ARHGAP8: variants seen among roughly 807,000 people sequenced by gnomAD.
ARHGAP8 encodes the protein Rho GTPase activating protein 8, also known as rho GTPase-activating protein 8.
Under a neutral mutation model 46.1 loss-of-function variants are expected in ARHGAP8, and 62 were observed. That is an observed-to-expected ratio of 1.34 (90% CI 1.10 to 1.66). ARHGAP8 has a LOEUF of 1.66. Among genes scored for constraint, ARHGAP8 ranks in the 40% most tolerant of loss-of-function variants. The pLI is 0.00. For synonymous variants in ARHGAP8, 375 were observed against 243.1 expected (o/e 1.54, Z -5.05); for missense variants, 923 against 568.4 (o/e 1.62, Z -6.34).
At chr22:44,848,813 G>A (rs1200503014) in intron 9 of ARHGAP8, 119 bp from the exon 10 acceptor site, 3 of 1,537,416 alleles carry the variant, frequency 2.0e-6, no homozygotes, top group African/African-American at 1.4e-5. Context: ...AGGACACATG[G>A]CTCCAGCATC....
At chr22:44,833,412 G>A (rs560209886) in intron 7 of ARHGAP8, among the ~76,000 whole-genome samples, 51 of 152,118 alleles carry the variant, frequency 3.4e-4, no homozygotes, top group Admixed American at 5.9e-4. Flanking sequence ...GCTTTTCATC[G>A]CCATTGAGAT....
chr22:44,844,248 G>T (rs2069901135), intron 7 of ARHGAP8, among the ~76,000 whole-genome samples: 1 of 152,082 alleles, frequency 6.6e-6, no homozygotes, highest in South Asian at 2.1e-4. Context: ...GGAATTACAG[G>T]CGTGAGCTAC....
chr22:44,808,825 A>T, intron 4 of ARHGAP8: 1 of 371,596 alleles, frequency 2.7e-6, no homozygotes, highest in Non-Finnish European at 5.2e-6. Context: ...AAAAAAAACC[A>T]AAAACAAAAA....
intron 1 of ARHGAP8, among the ~76,000 whole-genome samples, chr22:44,774,862 ACT>A (rs565204745): frequency 3.4e-5 from 5 of 146,266 alleles, no homozygotes; most frequent in Non-Finnish European, 7.5e-5. Context: ...ATGGAGTCTC[ACT>A]CTGTCACCCG....
chr22:44,787,942 C>CTTTTTTT (rs1569145142), intron 2 of ARHGAP8, among the ~76,000 whole-genome samples: 48 of 78,126 alleles, frequency 6.1e-4, no homozygotes, highest in African/African-American at 2.8e-3. Flanking sequence ...TTTTTTTTTC[C>CTTTTTTT]CCCCAAATGT....
intron 1 of ARHGAP8, among the ~76,000 whole-genome samples, chr22:44,768,561 C>A (rs1925769986): frequency 1.3e-5 from 2 of 152,060 alleles, no homozygotes; most frequent in Non-Finnish European, 2.9e-5. Flanking sequence ...CCCGCCTCAG[C>A]CTCCCAAAGC....
chr22:44,822,527 C>A, intron 6 of ARHGAP8, 58 bp downstream of exon 6: 1 of 1,423,590 alleles, frequency 7.0e-7, no homozygotes, highest in Non-Finnish European at 9.4e-7. Flanking sequence ...TTCCAAAGGG[C>A]TTGGTTCAGT....
At chr22:44,835,367 C>G (rs1931214313) in intron 7 of ARHGAP8, among the ~76,000 whole-genome samples, 1 of 152,062 alleles carries the variant, frequency 6.6e-6, no homozygotes, top group Non-Finnish European at 1.5e-5. Context: ...AGCCTGTAGT[C>G]TCAGCACTTT....
At chr22:44,797,939 C>G (rs966520296) in intron 2 of ARHGAP8, among the ~76,000 whole-genome samples, 12 of 151,860 alleles carry the variant, frequency 7.9e-5, no homozygotes, top group African/African-American at 2.9e-4. Flanking sequence ...TCCCAAAGTG[C>G]TGGGATTACA....
chr22:44,846,633 G>T (rs1342795417), intron 8 of ARHGAP8, among the ~76,000 whole-genome samples: 3 of 152,204 alleles, frequency 2.0e-5, no homozygotes, highest in African/African-American at 7.2e-5. Context: ...CTACCGGTTA[G>T]GTCCTGCTTT....
chr22:44,851,366 G>C (rs1220385068), intron 10 of ARHGAP8, among the ~76,000 whole-genome samples: 2 of 152,076 alleles, frequency 1.3e-5, no homozygotes, highest in African/African-American at 4.8e-5. Context: ...TTTAATGTAA[G>C]TTTTACATGA....
intron 5 of ARHGAP8, among the ~76,000 whole-genome samples, chr22:44,817,778 G>C (rs1929857063): frequency 6.6e-6 from 1 of 152,076 alleles, no homozygotes; most frequent in Non-Finnish European, 1.5e-5. Context: ...TTGCACTCCA[G>C]TCTGGGTGAC....
At chr22:44,859,876 C>T (rs1378391997) in intron 11 of ARHGAP8, 42 bp downstream of exon 11, 22 of 1,602,818 alleles carry the variant, frequency 1.4e-5, no homozygotes, top group Admixed American at 6.7e-5. Context: ...GCCCAGTGGC[C>T]TTCCCTCCCA....
At chr22:44,758,545 T>G (rs984625438) in intron 1 of ARHGAP8, among the ~76,000 whole-genome samples, 6 of 152,114 alleles carry the variant, frequency 3.9e-5, no homozygotes, top group Admixed American at 1.3e-4. Context: ...TGAATTGGAC[T>G]TTAGCCAATG....
chr22:44,754,211 G>C (rs143438714), intron 1 of ARHGAP8, among the ~76,000 whole-genome samples: 100 of 152,294 alleles, frequency 6.6e-4, no homozygotes, highest in African/African-American at 2.3e-3. Flanking sequence ...ATGGGAGGTG[G>C]ATGGGGAAGA....
At chr22:44,816,170 C>T (rs1388855564) in intron 5 of ARHGAP8, among the ~76,000 whole-genome samples, 1 of 151,012 alleles carries the variant, frequency 6.6e-6, no homozygotes, top group Non-Finnish European at 1.5e-5. Context: ...CCACTCGTGG[C>T]TCTGAGGCTG....
chr22:44,821,357 A>T (rs1930131387), intron 5 of ARHGAP8, among the ~76,000 whole-genome samples: 2 of 150,574 alleles, frequency 1.3e-5, no homozygotes, highest in Non-Finnish European at 3.0e-5. Flanking sequence ...TGAACCCAGG[A>T]GGCGGAGCTT....
chr22:44,845,249 T>C lies in ARHGAP8; in HGVS notation c.597-20T>C. 6.2e-7 allele frequency: 1 copy of C among 1,614,048 alleles called. No homozygotes were observed. The highest frequency in any genetic ancestry group is 1.1e-5 in the South Asian group (1 of 91,072). Reference sequence around the variant, plus strand: ...ATCAAGCTCAGGTAAAAACTGCGACTTTCTTTTCTGTTTTCTCAGCCTCAA... The same window carrying C: ...ATCAAGCTCAGGTAAAAACTGCGACCTTCTTTTCTGTTTTCTCAGCCTCAA... On this transcript the variant is annotated intron_variant, in intron 7 of 11. Coordinates refer to ENST00000356099, the MANE Select transcript of ARHGAP8 (RefSeq NM_181335.3).
chr22:44,828,455 C>G (rs989184557), intron 7 of ARHGAP8, among the ~76,000 whole-genome samples: 1 of 89,466 alleles, frequency 1.1e-5, no homozygotes, highest in African/African-American at 4.3e-5. Context: ...TTTTTTGAGA[C>G]AATTTTTTTT....
Sources: gnomAD v4.1 joint callset for allele counts (sites outside exome capture counted in the v4.1 genomes callset) on GRCh38, gnomAD v4.1.1 for gene constraint, MANE v1.5 for transcripts, NCBI Gene and HGNC (gene_info 2026-07-23, HGNC 2026-07-21) for gene names.